TNFSF4: variants seen among roughly 807,000 people sequenced by gnomAD.
TNFSF4 encodes tumor necrosis factor ligand superfamily member 4.
TNFSF4 carries 4 observed loss-of-function variants against 7.3 expected under a neutral mutation model. The observed-to-expected ratio is 0.55, with a 90% CI of 0.27 to 1.25. The LOEUF (loss-of-function observed/expected upper bound fraction) is 1.25, where lower values mean the gene tolerates loss of function less well. Ranked by LOEUF, TNFSF4 falls within the 50% of genes most tolerant of loss-of-function variation. The probability of loss-of-function intolerance (pLI) is 0.12; values close to 1 mark genes in which losing one functional copy is unlikely to be tolerated. For missense variants in TNFSF4, 181 were observed against 208.8 expected, an observed-to-expected ratio of 0.87 and a Z score of 0.82; for synonymous variants, 76 against 83.7, an observed-to-expected ratio of 0.91 and a Z score of 0.50.
chr1:173,197,723 A>T (rs547968354), intron 1 of TNFSF4, among the ~76,000 whole-genome samples: 2 of 152,314 alleles, frequency 1.3e-5, no homozygotes, highest in East Asian at 3.9e-4. Context: ...TAGCTAATGG[A>T]TGCTGAGCTT....
At chr1:173,174,042 T>C in the TNFSF4 span, among the ~76,000 whole-genome samples, 7 of 152,228 alleles carry the variant, frequency 4.6e-5, no homozygotes, top group African/African-American at 1.7e-4. Context: ...CTGCTTCCTC[T>C]TGAATGCTTT....
the TNFSF4 span, among the ~76,000 whole-genome samples, chr1:173,401,092 T>C: frequency 6.6e-6 from 1 of 152,182 alleles, no homozygotes; most frequent in Non-Finnish European, 1.5e-5. Flanking sequence ...TAAAATGTAT[T>C]GTTTAATCGT....
chr1:173,206,224 T>C (rs1254126309), intron 1 of TNFSF4, among the ~76,000 whole-genome samples: 2 of 152,120 alleles, frequency 1.3e-5, no homozygotes, highest in Non-Finnish European at 2.9e-5. Flanking sequence ...TCCAGTGGCA[T>C]CTTCTGCAGT....
At chr1:173,244,142 A>G in the TNFSF4 span, among the ~76,000 whole-genome samples, 1 of 152,230 alleles carries the variant, frequency 6.6e-6, no homozygotes, top group Non-Finnish European at 1.5e-5. Context: ...GACAGAATAA[A>G]ATTAAGTCTA....
the TNFSF4 span, among the ~76,000 whole-genome samples, chr1:173,419,544 A>C: frequency 3.9e-5 from 6 of 152,122 alleles, no homozygotes; most frequent in African/African-American, 1.4e-4. Context: ...AGTCTGTAGA[A>C]TTCTGTTACA....
At chr1:173,241,846 G>A in the TNFSF4 span, among the ~76,000 whole-genome samples, 1 of 152,310 alleles carries the variant, frequency 6.6e-6, no homozygotes, top group East Asian at 1.9e-4. Flanking sequence ...AACCCATTAG[G>A]TGGAAGACGA....
the TNFSF4 span, among the ~76,000 whole-genome samples, chr1:173,254,306 G>A: frequency 6.6e-6 from 1 of 152,144 alleles, no homozygotes; most frequent in Non-Finnish European, 1.5e-5. Flanking sequence ...ACTAGGCAAT[G>A]GCATACAGTG....
chr1:173,412,503 G>A, the TNFSF4 span, among the ~76,000 whole-genome samples: 1 of 152,166 alleles, frequency 6.6e-6, no homozygotes, highest in Admixed American at 6.5e-5. Context: ...AAAGACTAGC[G>A]ATTTGAACTA....
At chr1:173,302,163 A>G in the TNFSF4 span, among the ~76,000 whole-genome samples, 1 of 151,914 alleles carries the variant, frequency 6.6e-6, no homozygotes, top group Non-Finnish European at 1.5e-5. Flanking sequence ...GATATCCACT[A>G]GGACAAATGC....
the TNFSF4 span, among the ~76,000 whole-genome samples, chr1:173,429,284 GC>G: frequency 6.6e-6 from 1 of 151,964 alleles, no homozygotes; most frequent in Non-Finnish European, 1.5e-5. Flanking sequence ...GAAAAGACTG[GC>G]CCCCCTCTTT....
the TNFSF4 span, among the ~76,000 whole-genome samples, chr1:173,244,233 T>C: frequency 6.6e-6 from 1 of 152,154 alleles, no homozygotes; most frequent in African/African-American, 2.4e-5. Flanking sequence ...TAGGGCTGAG[T>C]CCCATGTCTG....
the TNFSF4 span, among the ~76,000 whole-genome samples, chr1:173,369,448 T>C: frequency 1.1e-4 from 16 of 152,300 alleles, no homozygotes; most frequent in South Asian, 3.1e-3. Flanking sequence ...GTCCTCTTTG[T>C]GGTCTAGGAG....
At chr1:173,252,918 AG>A in the TNFSF4 span, among the ~76,000 whole-genome samples, 1 of 152,216 alleles carries the variant, frequency 6.6e-6, no homozygotes, top group Non-Finnish European at 1.5e-5. Flanking sequence ...TAGCAGGATA[AG>A]TTTCAGAACT....
chr1:173,437,620 T>C, the TNFSF4 span, among the ~76,000 whole-genome samples: 3 of 152,320 alleles, frequency 2.0e-5, no homozygotes, highest in East Asian at 5.8e-4. Flanking sequence ...TGTTACTTTT[T>C]CCCAAACTGA....
At chr1:173,210,617 G>A (rs942219612), upstream of TNFSF4, among the ~76,000 whole-genome samples, 1 of 152,132 alleles carries the variant, frequency 6.6e-6, no homozygotes, top group African/African-American at 2.4e-5. Context: ...ACATGGAGAG[G>A]TTTGAAGCAG....
chr1:173,445,433 A>G, the TNFSF4 span, among the ~76,000 whole-genome samples: 1 of 152,190 alleles, frequency 6.6e-6, no homozygotes, highest in Non-Finnish European at 1.5e-5. Flanking sequence ...AAGCTGAAGA[A>G]CATAGAAAGG....
chr1:173,362,592 T>C, the TNFSF4 span: 1 of 513,732 alleles, frequency 1.9e-6, no homozygotes, highest in Admixed American at 2.1e-5. Context: ...GTTCAACAGT[T>C]GCCAACTCCT....
Position 173,207,124 on chromosome 1 carries a change from C to A in TNFSF4, c.53G>T (p.Arg18Ile), listed in dbSNP as rs778986374. ...EENVGNAARP[R>I]FERNKLLLVA... ...CAGCAATAGCTTGTTCCTCTCGAAT[C>A]TTGGCCTGGCTGCATTTCCCACATT... is the stretch of plus-strand genomic sequence containing the variant. Residue 18 changes from arginine to isoleucine, a missense_variant, in exon 1 of 3, where the codon AGA becomes ATA. Arg to Ile is a moderately conservative substitution (Grantham distance 97). Coordinates refer to ENST00000281834, the MANE Select transcript of TNFSF4 (RefSeq NM_003326.5). 15 of 1,613,880 alleles carry A rather than the reference C, an allele frequency of 9.3e-6. No homozygotes were observed. The highest frequency in any genetic ancestry group is 1.2e-5 in the Non-Finnish European group (14 of 1,179,870).
chr1:173,387,913 G>C, the TNFSF4 span, among the ~76,000 whole-genome samples: 2 of 152,188 alleles, frequency 1.3e-5, no homozygotes, highest in Admixed American at 6.5e-5. Context: ...GGATGGATTG[G>C]AAAACCATTC....
Sources: allele counts gnomAD v4.1 joint callset (sites outside exome capture counted in the v4.1 genomes callset), GRCh38; gene constraint gnomAD v4.1.1; transcripts MANE v1.5; gene names NCBI Gene and HGNC (gene_info 2026-07-23, HGNC 2026-07-21).